EVI2B: variants seen among roughly 807,000 people sequenced by gnomAD.
The protein encoded by EVI2B is ecotropic viral integration site 2B.
In EVI2B, 4 loss-of-function variants were observed where a neutral mutation model predicts 6.6. That is an observed-to-expected ratio of 0.61 (90% CI 0.30 to 1.39). EVI2B has a LOEUF of 1.39. Among genes scored for constraint, EVI2B ranks in the 40% most tolerant of loss-of-function variants. The probability of loss-of-function intolerance (pLI) is 0.08; values close to 1 mark genes in which losing one functional copy is unlikely to be tolerated. For missense variants in EVI2B, 484 were observed against 516.6 expected, an observed-to-expected ratio of 0.94 and a Z score of 0.61; for synonymous variants, 181 against 186.8, an observed-to-expected ratio of 0.97 and a Z score of 0.25.
intron 1 of EVI2B, among the ~76,000 whole-genome samples, chr17:31,313,555 A>C (rs907969171): frequency 2.6e-5 from 4 of 151,970 alleles, no homozygotes; most frequent in African/African-American, 7.3e-5. Context: ...AATACAAAAA[A>C]ATTAGCCAGG....
intron 1 of EVI2B, among the ~76,000 whole-genome samples, chr17:31,313,757 T>A (rs1038159489): frequency 1.5e-4 from 21 of 135,548 alleles, no homozygotes; most frequent in Non-Finnish European, 2.4e-4. Context: ...TGTGTGTGTG[T>A]GAGATTAAAT....
intron 1 of EVI2B, among the ~76,000 whole-genome samples, chr17:31,313,011 G>T (rs565164468): frequency 6.6e-6 from 1 of 151,926 alleles, no homozygotes; most frequent in Non-Finnish European, 1.5e-5. Flanking sequence ...ATTAATATAC[G>T]CATGCATGTT....
chr17:31,307,962 GT>G, intron 1 of EVI2B: 1 of 1,266,512 alleles, frequency 7.9e-7, no homozygotes. Context: ...AAATGGCCCT[GT>G]TTTAGTAGAA....
intron 1 of EVI2B, among the ~76,000 whole-genome samples, chr17:31,307,136 T>C (rs1457597956): frequency 6.6e-6 from 1 of 152,074 alleles, no homozygotes; most frequent in African/African-American, 2.4e-5. Context: ...GATTCTCCTC[T>C]CTCAGCCTCC....
Position 31,313,705 on chromosome 17 carries a change from C to CAA in EVI2B, c.-22+272_-22+273dup, listed in dbSNP as rs371438778. ...TGGGAGACAGAGCAAGACTCTATCTCAAAAAAAAAAAAAAATATGTGTGTG... is the reference window on the plus strand; with the variant it reads ...TGGGAGACAGAGCAAGACTCTATCTCAAAAAAAAAAAAAAAAATATGTGTGTG... On this transcript the variant is annotated intron_variant, in intron 1 of 1. Coordinates refer to ENST00000330927, the MANE Select transcript of EVI2B (RefSeq NM_006495.4). Among the ~76,000 whole-genome samples, 243 of 112,648 alleles carry CAA rather than the reference C, an allele frequency of 2.2e-3. 2 individuals carry two copies. Among genetic ancestry groups the CAA allele is most frequent in the Non-Finnish European group, 3.2e-3 (167 of 52,840 alleles). 73.9% of individuals were successfully genotyped at this position (112,648 alleles called of 152,430 possible). A position where few individuals can be genotyped will look rare whatever the true frequency, so the allele number is the denominator to read the frequency against.
chr17:31,308,571 A>G (rs968172923), intron 1 of EVI2B, among the ~76,000 whole-genome samples: 1 of 152,048 alleles, frequency 6.6e-6, no homozygotes, highest in Admixed American at 6.6e-5. Context: ...TACTTTCTAA[A>G]CACACGATTT....
intron 1 of EVI2B, among the ~76,000 whole-genome samples, chr17:31,309,717 G>C (rs1445421419): frequency 6.6e-6 from 1 of 152,112 alleles, no homozygotes; most frequent in Non-Finnish European, 1.5e-5. Context: ...GAAGGACAGG[G>C]CCCAAACAGG....
At position 31,305,319 on chromosome 17, in the gene EVI2B, A is replaced by G; in HGVS notation, c.291T>C (p.Ser97=). The change falls in exon 2 of 2, where the codon TCT becomes TCC. Residue 97 remains serine (S), a synonymous_variant. Coordinates refer to ENST00000330927, the MANE Select transcript of EVI2B (RefSeq NM_006495.4). ...TSSEKPEAHT[S]AGQPLAYNTK... is the part of the protein sequence containing the mutation. Reference sequence around the variant, plus strand: ...TGTTGTAGGCAAGTGGTTGTCCAGCAGAAGTATGTGCTTCTGGTTTTTCAG... The same window carrying G: ...TGTTGTAGGCAAGTGGTTGTCCAGCGGAAGTATGTGCTTCTGGTTTTTCAG... 1 of 1,614,190 alleles carries G rather than the reference A, an allele frequency of 6.2e-7. No individual in the cohort carries two copies. Among genetic ancestry groups the G allele is most frequent in the Non-Finnish European group, 8.5e-7 (1 of 1,180,054 alleles).
intron 1 of EVI2B, 51 bp downstream of exon 1, chr17:31,313,928 T>C (rs1031505805): frequency 2.5e-6 from 1 of 397,404 alleles, no homozygotes; most frequent in Non-Finnish European, 4.4e-6. Flanking sequence ...GTTTTTAAAA[T>C]AAATTTTATA....
At chr17:31,313,303 G>A (rs1340648292) in intron 1 of EVI2B, among the ~76,000 whole-genome samples, 1 of 152,054 alleles carries the variant, frequency 6.6e-6, no homozygotes, top group Middle Eastern at 3.2e-3. Context: ...TTAATATTTT[G>A]GAGGTTATAA....
At chr17:31,313,948 A>T in intron 1 of EVI2B, 31 bp downstream of exon 1, 1 of 397,894 alleles carries the variant, frequency 2.5e-6, no homozygotes, top group Non-Finnish European at 4.4e-6. Flanking sequence ...ATAAAGCAAG[A>T]TCAAACCAAA....
chr17:31,309,747 G>C (rs1469125228), intron 1 of EVI2B, among the ~76,000 whole-genome samples: 1 of 152,138 alleles, frequency 6.6e-6, no homozygotes, highest in African/African-American at 2.4e-5. Flanking sequence ...TTAAACCCAG[G>C]TTAGTTTGTA....
intron 1 of EVI2B, among the ~76,000 whole-genome samples, chr17:31,312,530 A>G (rs1301920685): frequency 1.3e-5 from 2 of 151,944 alleles, no homozygotes; most frequent in East Asian, 3.9e-4. Context: ...AAAAAAAAAA[A>G]AAAAAGTATG....
In EVI2B at chr17:31,305,191, T is replaced by TTTG. The variant is rs2151509895; in HGVS notation, c.416_418dup (p.Pro139_Lys140insThr). The TTTG allele has an allele frequency of 6.2e-7, 1 of 1,614,110 alleles. No homozygotes were observed. Among genetic ancestry groups the TTTG allele is most frequent in the East Asian group, 2.2e-5 (1 of 44,882 alleles). On this transcript the variant is annotated inframe_insertion, in exon 2 of 2. Transcript: ENST00000330927. The stretch of plus-strand genomic sequence containing the variant: ...TTGAGTAAAAGTATAGACAAATGAC[T>TTTG]TTGGTGGTTGTGTGGTAGAAGTACG...
chr17:31,307,537 G>A (rs973378990), intron 1 of EVI2B, among the ~76,000 whole-genome samples: 1 of 152,160 alleles, frequency 6.6e-6, no homozygotes, highest in Non-Finnish European at 1.5e-5. Context: ...CTGGGATGTG[G>A]TAGATGCTAA....
intron 1 of EVI2B, among the ~76,000 whole-genome samples, chr17:31,310,480 G>A (rs943093542): frequency 1.2e-4 from 18 of 152,146 alleles, no homozygotes; most frequent in African/African-American, 4.3e-4. Flanking sequence ...GCAAAATGCT[G>A]CTCTGTTGTG....
chr17:31,312,177 C>T (rs1034677646), intron 1 of EVI2B, among the ~76,000 whole-genome samples: 1 of 151,946 alleles, frequency 6.6e-6, no homozygotes, highest in East Asian at 1.9e-4. Context: ...AAAACACAGG[C>T]ACTACTAGTA....
chr17:31,312,053 G>A (rs758983498), intron 1 of EVI2B, among the ~76,000 whole-genome samples: 3 of 151,862 alleles, frequency 2.0e-5, no homozygotes, highest in Non-Finnish European at 4.4e-5. Flanking sequence ...AAATTTTGTG[G>A]TGATTTTTTT....
intron 1 of EVI2B, among the ~76,000 whole-genome samples, chr17:31,307,268 C>T (rs1256968219): frequency 4.0e-5 from 6 of 151,754 alleles, no homozygotes; most frequent in Non-Finnish European, 8.8e-5. Flanking sequence ...ATCTGCCTGC[C>T]TTGGCCTCCC....
Sources: allele counts gnomAD v4.1 joint callset (sites outside exome capture counted in the v4.1 genomes callset), GRCh38; gene constraint gnomAD v4.1.1; transcripts MANE v1.5; gene names NCBI Gene and HGNC (gene_info 2026-07-23, HGNC 2026-07-21).